CRACDL: variants seen among roughly 807,000 people sequenced by gnomAD.
The protein encoded by CRACDL is CRACD like, also known as CRACD-like protein.
In CRACDL, 26 loss-of-function variants were observed where a neutral mutation model predicts 70.6. The observed-to-expected ratio is 0.37, with a 90% CI of 0.27 to 0.51. CRACDL has a LOEUF of 0.51. CRACDL is among the 20% of genes least tolerant of loss of function. The pLI, the probability that CRACDL is intolerant of heterozygous loss-of-function variation, is 0.94. For synonymous variants in CRACDL, 618 were observed against 615.2 expected, an observed-to-expected ratio of 1.00 and a Z score of -0.07; for missense variants, 1,283 against 1,376.9, an observed-to-expected ratio of 0.93 and a Z score of 1.08.
intron 2 of CRACDL, among the ~76,000 whole-genome samples, chr2:98,846,084 T>G (rs1706241403): frequency 6.6e-6 from 1 of 152,198 alleles, no homozygotes. Flanking sequence ...AGTATATGAA[T>G]GGCAAATCTA....
intron 1 of CRACDL, among the ~76,000 whole-genome samples, chr2:98,876,499 C>A (rs1304396636): frequency 6.6e-6 from 1 of 152,096 alleles, no homozygotes; most frequent in African/African-American, 2.4e-5. Flanking sequence ...GGAGTGCGAG[C>A]CCTATTGTGA....
Position 98,822,909 on chromosome 2 carries a change from C to A in CRACDL, c.1364G>T (p.Gly455Val). The A allele has an allele frequency of 6.8e-7, 1 of 1,473,138 alleles. No individual in the cohort carries two copies. The highest frequency in any genetic ancestry group is 2.5e-5 in the Admixed American group (1 of 39,312). 91.3% of individuals were successfully genotyped at this position (1,473,138 alleles called of 1,614,324 possible). A position where few individuals can be genotyped will look rare whatever the true frequency, so the allele number is the denominator to read the frequency against. ...VLPDEEKGPP[G>V]PAPEPEREAE... ...TTCTCTCTCGGGCTCAGGCGCCGGC[C>A]CTGGGGGCCCCTTCTCCTCATCCGG... The change falls in exon 7 of 10, where the codon GGG (glycine) becomes GTG (valine). Residue 455 changes from glycine (G) to valine (V), a missense_variant. Physicochemically the swap from Gly to Val is moderately radical, Grantham distance 109 (BLOSUM62 -3). This residue lies in a region of CRACDL where 921 missense variants were observed against 881.9 expected (regional missense o/e 1.04). Coordinates refer to ENST00000397899, the MANE Select transcript of CRACDL (RefSeq NM_207362.3). The surrounding 1 kb of genome is among the most constrained non-coding windows in gnomAD (Gnocchi z 4.9).
chr2:98,812,929 T>C (rs2104441079), intron 7 of CRACDL, among the ~76,000 whole-genome samples: 2 of 152,310 alleles, frequency 1.3e-5, no homozygotes, highest in South Asian at 4.1e-4. Context: ...TAAGATGTCT[T>C]TGCCTAGCCC....
chr2:98,871,084 T>C (rs1707328871), intron 1 of CRACDL, among the ~76,000 whole-genome samples: 1 of 152,240 alleles, frequency 6.6e-6, no homozygotes, highest in Non-Finnish European at 1.5e-5. Flanking sequence ...GCACACATGT[T>C]ACCTCTCTGC....
At chr2:98,825,718 C>G (rs1325104097) in intron 6 of CRACDL, among the ~76,000 whole-genome samples, 1 of 152,248 alleles carries the variant, frequency 6.6e-6, no homozygotes, top group Admixed American at 6.5e-5. Context: ...ATGCACTGGA[C>G]ACACACACCT....
intron 1 of CRACDL, among the ~76,000 whole-genome samples, chr2:98,881,280 C>A (rs72813016): frequency 1.3e-5 from 2 of 152,204 alleles, no homozygotes; most frequent in African/African-American, 2.4e-5. Context: ...TGGGGCCCAG[C>A]GGCCTCAGCC....
intron 7 of CRACDL, among the ~76,000 whole-genome samples, chr2:98,799,260 A>G (rs1011238154): frequency 6.6e-6 from 1 of 152,076 alleles, no homozygotes; most frequent in Non-Finnish European, 1.5e-5. Context: ...TGTGCAGAGG[A>G]TATTACTCAC....
At chr2:98,799,325 T>C (rs1435902798) in intron 7 of CRACDL, among the ~76,000 whole-genome samples, 1 of 152,180 alleles carries the variant, frequency 6.6e-6, no homozygotes, top group Non-Finnish European at 1.5e-5. Context: ...CTTAGTGCCC[T>C]GGTCAACAAG....
intron 1 of CRACDL, among the ~76,000 whole-genome samples, chr2:98,910,553 T>TAAAC (rs1458948272): frequency 6.7e-6 from 1 of 149,216 alleles, no homozygotes; most frequent in African/African-American, 2.5e-5. Flanking sequence ...AATAAATAAA[T>TAAAC]AAATAAATAA....
chr2:98,858,723 T>C (rs1464590152), intron 1 of CRACDL, among the ~76,000 whole-genome samples: 1 of 151,944 alleles, frequency 6.6e-6, no homozygotes, highest in Admixed American at 6.6e-5. Flanking sequence ...AGAAAATCAA[T>C]AAAATGAACA....
Position 98,898,134 on chromosome 2 carries a change from C to G in CRACDL, c.-11+37804G>C, listed in dbSNP as rs1708177477. The stretch of plus-strand genomic sequence containing the variant: ...TCTAGCAACTCTAAAGGTCAAGATA[C>G]AAAGATGATGAAATCCGCTGAAGGA... On this transcript the variant is annotated intron_variant, in intron 1 of 9. Transcript: ENST00000397899. Among the ~76,000 whole-genome samples, 3 of 152,246 alleles carry G rather than the reference C, an allele frequency of 2.0e-5. No individual in the cohort carries two copies. In the South Asian group the frequency reaches 6.2e-4, roughly 32 times the overall value.
At chr2:98,851,893 A>C (rs749531065) in intron 1 of CRACDL, among the ~76,000 whole-genome samples, 1 of 152,196 alleles carries the variant, frequency 6.6e-6, no homozygotes, top group South Asian at 2.1e-4. Flanking sequence ...AGCAGAAATT[A>C]AAGTGGAATC....
At chr2:98,810,989 C>T (rs569064423) in intron 7 of CRACDL, among the ~76,000 whole-genome samples, 1 of 152,028 alleles carries the variant, frequency 6.6e-6, no homozygotes, top group African/African-American at 2.4e-5. Flanking sequence ...AAAAAAGATG[C>T]CCATGCTTTA....
chr2:98,819,458 AG>A (rs1444955493), intron 7 of CRACDL, among the ~76,000 whole-genome samples: 4 of 152,230 alleles, frequency 2.6e-5, no homozygotes, highest in African/African-American at 9.6e-5. Flanking sequence ...GGAAATCTGC[AG>A]AGTGGATCGT....
intron 1 of CRACDL, among the ~76,000 whole-genome samples, chr2:98,874,279 C>T (rs1420484646): frequency 6.6e-6 from 1 of 152,220 alleles, no homozygotes; most frequent in Non-Finnish European, 1.5e-5. Context: ...TAGAACCCAA[C>T]AGCCATCATA....
chr2:98,918,769 A>G (rs1334586162), intron 1 of CRACDL, among the ~76,000 whole-genome samples: 4 of 152,104 alleles, frequency 2.6e-5, no homozygotes, highest in Non-Finnish European at 2.9e-5. Flanking sequence ...TCCTTTGCCC[A>G]TGTTTTAATG....
chr2:98,822,723 G>A lies in CRACDL; in HGVS notation c.1550C>T (p.Ala517Val), dbSNP rs1453226946. Residue 517 changes from alanine (A) to valine (V), a missense_variant, in exon 7 of 10, where the codon GCT becomes GTT. Coordinates refer to ENST00000397899, the MANE Select transcript of CRACDL (RefSeq NM_207362.3). The surrounding 1 kb of genome is among the most constrained non-coding windows in gnomAD (Gnocchi z 4.9). ...EGPAASPPLAAAESPPVEPGP... is the reference protein window; with the variant it reads ...EGPAASPPLAVAESPPVEPGP... ...GGGCTCCACCGGGGGAGACTCCGCA[G>A]CGGCAAGCGGCGGGGACGCGGCGGG... is the stretch of plus-strand genomic sequence containing the variant. 2.4e-6 allele frequency: 3 copies of A among 1,259,470 alleles called. No homozygotes were observed. The highest frequency in any genetic ancestry group is 3.2e-5 in the South Asian group (1 of 31,512). 78.0% of individuals were successfully genotyped at this position (1,259,470 alleles called of 1,614,324 possible).
At chr2:98,826,194 C>T (rs940674676) in intron 6 of CRACDL, among the ~76,000 whole-genome samples, 5 of 152,166 alleles carry the variant, frequency 3.3e-5, no homozygotes, top group Non-Finnish European at 5.9e-5. Context: ...TAGGAGGTAA[C>T]GACACCCTGA....
intron 3 of CRACDL, among the ~76,000 whole-genome samples, chr2:98,833,471 G>A (rs1322896909): frequency 3.3e-5 from 5 of 152,332 alleles, no homozygotes; most frequent in Admixed American, 2.6e-4. Context: ...ACCTCACACA[G>A]ACCAAGACAT....
Sources: gnomAD v4.1 joint callset for allele counts (sites outside exome capture counted in the v4.1 genomes callset) on GRCh38, gnomAD v4.1.1 for gene constraint, gnomAD v4.1.1 regional missense constraint, Gnocchi (gnomAD v3.1) non-coding constraint, MANE v1.5 for transcripts, NCBI Gene and HGNC (gene_info 2026-07-23, HGNC 2026-07-21) for gene names.